Variants in CADM2 observed in about 807,000 individuals in gnomAD.
The protein encoded by CADM2 is cell adhesion molecule 2, also known as immunoglobulin superfamily member 4D.
Under a neutral mutation model 49.8 loss-of-function variants are expected in CADM2, and 12 were observed. The ratio of observed to expected loss-of-function variants is 0.24; its 90% CI spans 0.15 to 0.39. CADM2 has a LOEUF of 0.39. Ranked by LOEUF, CADM2 falls within the 10% of genes least tolerant of loss-of-function variation. The pLI is 1.00. For missense variants in CADM2, 378 were observed against 492.3 expected, an observed-to-expected ratio of 0.77 and a Z score of 2.20; for synonymous variants, 214 against 175.4, an observed-to-expected ratio of 1.22 and a Z score of -1.74.
chr3:85,155,551 G>C (rs994268664), intron 1 of CADM2, among the ~76,000 whole-genome samples: 3 of 151,916 alleles, frequency 2.0e-5, no homozygotes, highest in Admixed American at 6.6e-5. Context: ...AGTCAACAAG[G>C]ATACCCAGGA....
chr3:85,952,970 C>A (rs1250991507), intron 7 of CADM2, among the ~76,000 whole-genome samples: 1 of 149,964 alleles, frequency 6.7e-6, no homozygotes, highest in African/African-American at 2.5e-5. Context: ...GCACTCCAGG[C>A]TGGCTGTTTC....
chr3:85,254,904 A>G (rs2042850549), intron 1 of CADM2, among the ~76,000 whole-genome samples: 2 of 151,976 alleles, frequency 1.3e-5, no homozygotes, highest in Admixed American at 1.3e-4. Context: ...TGCGGGTCTC[A>G]CCCAGATGCC....
intron 1 of CADM2, among the ~76,000 whole-genome samples, chr3:85,272,117 T>G (rs887056895): frequency 2.7e-5 from 4 of 150,810 alleles, no homozygotes; most frequent in African/African-American, 4.9e-5. Context: ...CTGCTAATGA[T>G]CCAAGGTCAC....
At chr3:85,464,705 C>T (rs1488235739) in intron 1 of CADM2, among the ~76,000 whole-genome samples, 2 of 152,100 alleles carry the variant, frequency 1.3e-5, no homozygotes, top group Non-Finnish European at 2.9e-5. Flanking sequence ...AATTTTAAAG[C>T]TCTGTAGTTA....
At chr3:85,366,803 G>A (rs1234716719) in intron 1 of CADM2, among the ~76,000 whole-genome samples, 1 of 151,908 alleles carries the variant, frequency 6.6e-6, no homozygotes. Flanking sequence ...ATAATTTTAT[G>A]TCAATCTTTT....
chr3:85,831,279 G>A (rs1210865495), intron 3 of CADM2, among the ~76,000 whole-genome samples: 1 of 151,930 alleles, frequency 6.6e-6, no homozygotes, highest in Non-Finnish European at 1.5e-5. Context: ...TGTGACTAGT[G>A]CTGCAATGAA....
rs1430458789 is a variant in CADM2 at position 86,014,009 on chromosome 3, T to A, written c.971-51596T>A. On this transcript the variant is annotated intron_variant, in intron 8 of 9. Coordinates refer to ENST00000383699, the MANE Select transcript of CADM2 (RefSeq NM_001167675.2). Reference sequence around the variant, plus strand: ...GAACAATTGAAGAAGTTTGTTCTTTTTTCCCTTGATCACAACTGCTTTTAG... The same window carrying A: ...GAACAATTGAAGAAGTTTGTTCTTTATTCCCTTGATCACAACTGCTTTTAG... The A allele has an allele frequency of 9.9e-6, 14 of 1,414,034 alleles. No homozygotes were observed. The East Asian group carries it at 2.3e-4, about 23-fold the overall frequency. 87.6% of individuals were successfully genotyped at this position (1,414,034 alleles called of 1,614,324 possible).
At chr3:85,488,286 G>T (rs2039514040) in intron 1 of CADM2, among the ~76,000 whole-genome samples, 1 of 152,032 alleles carries the variant, frequency 6.6e-6, no homozygotes, top group African/African-American at 2.4e-5. Flanking sequence ...AGTGCTCCTT[G>T]TCCCAATTCT....
At chr3:85,166,994 T>C (rs2040487569) in intron 1 of CADM2, among the ~76,000 whole-genome samples, 2 of 152,106 alleles carry the variant, frequency 1.3e-5, no homozygotes, top group Non-Finnish European at 2.9e-5. Context: ...CATATTTTAC[T>C]GCTGTTAAGG....
At chr3:85,359,058 G>A (rs1287698336) in intron 1 of CADM2, among the ~76,000 whole-genome samples, 1 of 152,046 alleles carries the variant, frequency 6.6e-6, no homozygotes, top group East Asian at 1.9e-4. Flanking sequence ...CTTTCCACCT[G>A]GACATCTTCT....
At chr3:85,284,929 A>G (rs1320775890) in intron 1 of CADM2, among the ~76,000 whole-genome samples, 1 of 152,088 alleles carries the variant, frequency 6.6e-6, no homozygotes, top group African/African-American at 2.4e-5. Flanking sequence ...AGACAACGAA[A>G]AAAAGCAAGC....
chr3:86,000,002 A>G (rs926743933), intron 8 of CADM2, among the ~76,000 whole-genome samples: 1 of 152,206 alleles, frequency 6.6e-6, no homozygotes, highest in Non-Finnish European at 1.5e-5. Context: ...TGTTTAAAAA[A>G]GAGAAGCTGA....
At chr3:85,201,839 T>C (rs1055062202) in intron 1 of CADM2, among the ~76,000 whole-genome samples, 4 of 152,018 alleles carry the variant, frequency 2.6e-5, no homozygotes, top group African/African-American at 7.2e-5. Context: ...TTCCAGCACT[T>C]TGGGAGGCCG....
intron 2 of CADM2, among the ~76,000 whole-genome samples, chr3:85,739,136 T>C (rs1303257847): frequency 1.3e-5 from 2 of 152,096 alleles, no homozygotes; most frequent in Non-Finnish European, 2.9e-5. Flanking sequence ...TAAAACATAA[T>C]GGAAAGGAAG....
chr3:85,147,773 A>C (rs1195825366), intron 1 of CADM2, among the ~76,000 whole-genome samples: 2 of 152,172 alleles, frequency 1.3e-5, no homozygotes, highest in Non-Finnish European at 2.9e-5. Flanking sequence ...AATTTATGCT[A>C]TTTCCATTCA....
chr3:85,882,946 G>T (rs545924556), intron 3 of CADM2, among the ~76,000 whole-genome samples: 14 of 152,254 alleles, frequency 9.2e-5, no homozygotes, highest in Non-Finnish European at 1.6e-4. Context: ...AACCCATTTT[G>T]TTTATAGCTT....
chr3:85,535,544 T>C (rs967969171), intron 1 of CADM2, among the ~76,000 whole-genome samples: 15 of 152,072 alleles, frequency 9.9e-5, no homozygotes, highest in Admixed American at 8.5e-4. Flanking sequence ...ATCTTTTTTG[T>C]GGCAACTCCT....
chr3:85,356,917 AT>A (rs1431564894), intron 1 of CADM2, among the ~76,000 whole-genome samples: 1 of 152,134 alleles, frequency 6.6e-6, no homozygotes, highest in East Asian at 1.9e-4. Context: ...GACAAATTGA[AT>A]GAGATGATAC....
chr3:85,624,817 GT>G (rs1348810355), intron 1 of CADM2, among the ~76,000 whole-genome samples: 1 of 151,986 alleles, frequency 6.6e-6, no homozygotes, highest in Non-Finnish European at 1.5e-5. Flanking sequence ...TAATTTTTAA[GT>G]TTTTTGTGGG....
Sources: gnomAD v4.1 joint callset for allele counts (sites outside exome capture counted in the v4.1 genomes callset) on GRCh38, gnomAD v4.1.1 for gene constraint, MANE v1.5 for transcripts, NCBI Gene and HGNC (gene_info 2026-07-23, HGNC 2026-07-21) for gene names.